KIF26B: variants seen among roughly 807,000 people sequenced by gnomAD.
KIF26B encodes the protein kinesin family member 26B.
A neutral mutation model predicts 151.2 loss-of-function variants in KIF26B; 63 were observed. The observed-to-expected ratio is 0.42, with a 90% confidence interval of 0.34 to 0.51. KIF26B has a LOEUF of 0.51. KIF26B is among the 20% of genes least tolerant of loss of function. The probability of loss-of-function intolerance (pLI) is 0.07; values close to 1 mark genes in which losing one functional copy is unlikely to be tolerated. For synonymous variants in KIF26B, 1,357 were observed against 1,262.1 expected (o/e 1.08, Z -1.59); for missense variants, 2,813 against 2,913.6 (o/e 0.97, Z 0.79).
At chr1:245,605,091 C>T (rs138899097) in intron 6 of KIF26B, among the ~76,000 whole-genome samples, 10 of 152,172 alleles carry the variant, frequency 6.6e-5, no homozygotes, top group South Asian at 6.2e-4. Context: ...TGGCCTCAGG[C>T]GAGTCACTCA....
intron 2 of KIF26B, among the ~76,000 whole-genome samples, chr1:245,316,931 C>G (rs1020722418): frequency 6.7e-6 from 1 of 150,010 alleles, no homozygotes; most frequent in Non-Finnish European, 1.5e-5. Flanking sequence ...GGCTGTCCAG[C>G]CCGGGTGGAG....
intron 2 of KIF26B, among the ~76,000 whole-genome samples, chr1:245,162,814 G>A (rs1389394317): frequency 5.3e-5 from 8 of 152,196 alleles, no homozygotes; most frequent in Non-Finnish European, 1.5e-5. Flanking sequence ...CTGCTCCAGA[G>A]CCTATCTGAG....
intron 2 of KIF26B, among the ~76,000 whole-genome samples, chr1:245,191,024 A>T (rs182409697): frequency 1.8e-4 from 22 of 123,204 alleles, no homozygotes; most frequent in Non-Finnish European, 2.7e-4. Context: ...GTGCCACTGC[A>T]CTCTAGCCTG....
intron 5 of KIF26B, among the ~76,000 whole-genome samples, chr1:245,566,706 G>T (rs2043014121): frequency 6.6e-6 from 1 of 152,176 alleles, no homozygotes; most frequent in Non-Finnish European, 1.5e-5. Context: ...AAGGCAGGCG[G>T]ATCAGAAGAT....
intron 5 of KIF26B, among the ~76,000 whole-genome samples, chr1:245,559,537 C>T (rs2042916979): frequency 6.6e-6 from 1 of 152,128 alleles, no homozygotes; most frequent in Non-Finnish European, 1.5e-5. Flanking sequence ...CTCAGCCTTC[C>T]AAGTAGCTGG....
chr1:245,644,758 A>T (rs1388335237), intron 9 of KIF26B, among the ~76,000 whole-genome samples: 1 of 152,122 alleles, frequency 6.6e-6, no homozygotes, highest in Non-Finnish European at 1.5e-5. Flanking sequence ...CATTATCTCC[A>T]ATCTTTTTAG....
intron 12 of KIF26B, among the ~76,000 whole-genome samples, chr1:245,693,190 C>T (rs1239015959): frequency 6.6e-6 from 1 of 152,146 alleles, no homozygotes; most frequent in Non-Finnish European, 1.5e-5. Flanking sequence ...TAGATGAGCA[C>T]CTTGGTCTGA....
intron 4 of KIF26B, among the ~76,000 whole-genome samples, chr1:245,453,507 C>G (rs1659442826): frequency 1.3e-5 from 2 of 152,252 alleles, no homozygotes; most frequent in Admixed American, 6.5e-5. Context: ...ATAGTCCCAG[C>G]CCTGGGGTAA....
intron 14 of KIF26B, among the ~76,000 whole-genome samples, chr1:245,701,878 G>A (rs1159509945): frequency 2.0e-5 from 3 of 152,144 alleles, no homozygotes. Context: ...CCATCCCTCT[G>A]CCCGGCCACC....
chr1:245,478,481 G>T (rs1660090696), intron 4 of KIF26B, among the ~76,000 whole-genome samples: 1 of 144,314 alleles, frequency 6.9e-6, no homozygotes, highest in South Asian at 2.3e-4. Flanking sequence ...AGGCTGGAGT[G>T]CGGTGGCGCG....
At chr1:245,473,260 A>C (rs1235155177) in intron 4 of KIF26B, among the ~76,000 whole-genome samples, 1 of 152,246 alleles carries the variant, frequency 6.6e-6, no homozygotes, top group Non-Finnish European at 1.5e-5. Flanking sequence ...TTGGAGGGCT[A>C]GTATGCAGTG....
chr1:245,278,842 C>T (rs1670985037), intron 2 of KIF26B, among the ~76,000 whole-genome samples: 1 of 152,144 alleles, frequency 6.6e-6, no homozygotes, highest in African/African-American at 2.4e-5. Flanking sequence ...GTTTTCTGGC[C>T]TATGAAATGG....
At chr1:245,650,554 A>G (rs1363824140) in intron 10 of KIF26B, among the ~76,000 whole-genome samples, 1 of 152,276 alleles carries the variant, frequency 6.6e-6, no homozygotes, top group Non-Finnish European at 1.5e-5. Flanking sequence ...TGGTTCTCTT[A>G]GATGTTGCTT....
At chr1:245,614,897 TA>T in intron 9 of KIF26B, 2 of 83,758 alleles carry the variant, frequency 2.4e-5, no homozygotes, top group South Asian at 9.7e-4. Flanking sequence ...TAAAATCGGA[TA>T]GGGATGAGGA....
intron 12 of KIF26B, among the ~76,000 whole-genome samples, chr1:245,690,448 T>C (rs973279178): frequency 2.6e-5 from 4 of 152,224 alleles, no homozygotes; most frequent in African/African-American, 9.6e-5. Flanking sequence ...CACAGGCTTG[T>C]TCTCTGTCAT....
chr1:245,483,973 C>G (rs987241108), intron 4 of KIF26B, among the ~76,000 whole-genome samples: 1 of 151,858 alleles, frequency 6.6e-6, no homozygotes, highest in Non-Finnish European at 1.5e-5. Flanking sequence ...TTTATAAAAT[C>G]TGTAAGTTAG....
intron 2 of KIF26B, among the ~76,000 whole-genome samples, chr1:245,157,348 G>A (rs1259504957): frequency 6.6e-6 from 1 of 152,214 alleles, no homozygotes; most frequent in African/African-American, 2.4e-5. Flanking sequence ...GATTGTATTT[G>A]CACTGTTGGG....
intron 2 of KIF26B, among the ~76,000 whole-genome samples, chr1:245,362,975 G>A (rs1022612413): frequency 6.6e-6 from 1 of 152,282 alleles, no homozygotes; most frequent in African/African-American, 2.4e-5. Context: ...CGCTGCTCCC[G>A]TGAGACTATC....
At chr1:245,261,437 C>T (rs565161016) in intron 2 of KIF26B, among the ~76,000 whole-genome samples, 6 of 150,820 alleles carry the variant, frequency 4.0e-5, no homozygotes, top group Admixed American at 2.0e-4. Flanking sequence ...AGCTTGTTCG[C>T]GCTCGCTTGC....
Sources: allele counts gnomAD v4.1 joint callset (sites outside exome capture counted in the v4.1 genomes callset), GRCh38; gene constraint gnomAD v4.1.1; transcripts MANE v1.5; gene names NCBI Gene and HGNC (gene_info 2026-07-23, HGNC 2026-07-21).